Variants in CAPN2 observed in about 807,000 individuals in gnomAD.
The protein encoded by CAPN2 is calpain-2 catalytic subunit.
In CAPN2, 92 loss-of-function variants were observed where a neutral mutation model predicts 102.3. The ratio of observed to expected loss-of-function variants is 0.90; its 90% CI spans 0.76 to 1.07. The LOEUF (loss-of-function observed/expected upper bound fraction) is 1.07. CAPN2 is among the 50% of genes least tolerant of loss of function. CAPN2 has a pLI of 0.00. For synonymous variants in CAPN2, 340 were observed against 355.4 expected (o/e 0.96, Z 0.49); for missense variants, 800 against 909.4 (o/e 0.88, Z 1.55).
chr1:223,752,864 T>A lies in CAPN2; in HGVS notation c.1043T>A (p.Leu348His). Reference protein sequence around the residue: ...LEICNLTPDTLTSDTYKKWKL... With the variant: ...LEICNLTPDTHTSDTYKKWKL... ...ATCTGTAACCTGACCCCAGACACTC[T>A]CACCAGCGATACCTACAAGAAGTGG... The change falls in exon 9 of 21, where the codon CTC becomes CAC. Residue 348 changes from leucine to histidine, a missense_variant. Leu to His is a moderately conservative substitution (Grantham distance 99). Transcript: ENST00000295006. 1 of 1,614,098 alleles carries A rather than the reference T, an allele frequency of 6.2e-7. No individual in the cohort carries two copies. The highest frequency in any genetic ancestry group is 8.5e-7 in the Non-Finnish European group (1 of 1,179,968).
At chr1:223,724,842 G>C (rs1013624953) in intron 2 of CAPN2, among the ~76,000 whole-genome samples, 2 of 152,104 alleles carry the variant, frequency 1.3e-5, no homozygotes, top group Non-Finnish European at 2.9e-5. Flanking sequence ...GCATGGTGGT[G>C]TGCACCTGTA....
At chr1:223,708,423 T>TAA (rs35955532), upstream of CAPN2, among the ~76,000 whole-genome samples, 21 of 135,892 alleles carry the variant, frequency 1.5e-4, no homozygotes, top group East Asian at 4.4e-4. Context: ...AAACTCTGTT[T>TAA]AAAAAAAAAA....
At chr1:223,763,983 C>T (rs28370137) in intron 14 of CAPN2, among the ~76,000 whole-genome samples, 167 bp from the exon 15 acceptor site, 1 of 152,206 alleles carries the variant, frequency 6.6e-6, no homozygotes, top group African/African-American at 2.4e-5. Context: ...GGCAGTACTA[C>T]TCAAAGTGTG....
chr1:223,701,893 G>C (rs1659479767), intron 1 of CAPN2: 1 of 148,454 alleles, frequency 6.7e-6, no homozygotes, highest in Non-Finnish European at 1.5e-5. Context: ...TGTAATCCCA[G>C]CTACTCAGGA....
chr1:223,722,619 G>A (rs947394503), intron 2 of CAPN2, among the ~76,000 whole-genome samples: 8 of 151,904 alleles, frequency 5.3e-5, no homozygotes, highest in Admixed American at 2.6e-4. Context: ...ATTTAAAAAT[G>A]CATTTTTATA....
intron 4 of CAPN2, among the ~76,000 whole-genome samples, chr1:223,745,736 T>C (rs3738374): frequency 0.24 from 35,896 of 152,224 alleles, 7,230 homozygotes; most frequent in African/African-American, 0.55. Flanking sequence ...GGTGCCTGGC[T>C]GCACTGTACG....
intron 2 of CAPN2, among the ~76,000 whole-genome samples, chr1:223,724,647 A>G (rs1032903199): frequency 2.6e-5 from 4 of 152,214 alleles, no homozygotes; most frequent in Admixed American, 6.5e-5. Flanking sequence ...GCGGGATAGT[A>G]TTCACATCAG....
upstream of CAPN2, among the ~76,000 whole-genome samples, chr1:223,711,797 T>C (rs1206492225): frequency 6.6e-6 from 1 of 152,180 alleles, no homozygotes; most frequent in Admixed American, 6.5e-5. Context: ...AATTTCACCA[T>C]GTTGACCAGG....
At chr1:223,771,767 T>G (rs1261239546) in intron 18 of CAPN2, 42 bp from the exon 19 acceptor site, 1 of 1,218,374 alleles carries the variant, frequency 8.2e-7, no homozygotes. Context: ...AATGGAACAA[T>G]CTAATGCTTA....
chr1:223,751,084 C>A, intron 7 of CAPN2, 109 bp downstream of exon 7: 1 of 975,834 alleles, frequency 1.0e-6, no homozygotes, highest in Non-Finnish European at 1.6e-6. Flanking sequence ...GAAATATAGC[C>A]AGGAGAGCCC....
In CAPN2 at chr1:223,752,898, C is replaced by T. The variant is rs1018188275; in HGVS notation, c.1077C>T (p.Thr359=). ...TSDTYKKWKL[T]KMDGNWRRGS... is the part of the protein sequence containing the mutation. ...ATACCTACAAGAAGTGGAAACTCAC[C>T]AAAATGGATGGGAACTGGAGGCGGG... Residue 359 remains threonine (T), a synonymous_variant, in exon 9 of 21, where the codon ACC becomes ACT. Transcript: ENST00000295006. 6.2e-7 allele frequency: 1 copy of T among 1,614,044 alleles called. No homozygotes were observed. Among genetic ancestry groups the T allele is most frequent in the African/African-American group, 1.3e-5 (1 of 74,908 alleles).
chr1:223,755,719 C>T lies in CAPN2; in HGVS notation c.1305+70C>T, dbSNP rs1153959. On this transcript the variant is annotated intron_variant, in intron 10 of 20. Transcript: ENST00000295006. The surrounding 1 kb of genome is among the most constrained non-coding windows in gnomAD (Gnocchi z 4.1). ...TCTCAGCCCCTGCATGGAAAGCTGA[C>T]CCCAGAGGCAGAACTGGGGATGGGA... 2 of 1,408,928 alleles carry T rather than the reference C, an allele frequency of 1.4e-6. No individual in the cohort carries two copies. The highest frequency in any genetic ancestry group is 1.5e-5 in the African/African-American group (1 of 68,654). 87.3% of individuals were successfully genotyped at this position (1,408,928 alleles called of 1,614,324 possible).
At position 223,726,518 on chromosome 1, in the gene CAPN2, G is replaced by A. The variant is rs1660194944; in HGVS notation, c.307+8687G>A. On this transcript the variant is annotated intron_variant, in intron 2 of 20. Transcript: ENST00000295006. This position sits in a 1 kb window ranked among gnomAD's most constrained non-coding sequence, Gnocchi z 4.4. Reference sequence around the variant, plus strand: ...TCCAGGGCACGGCTGAGACAGGCAAGGGACTAGAGAGAGGAAGAGTGAATG... The same window carrying A: ...TCCAGGGCACGGCTGAGACAGGCAAAGGACTAGAGAGAGGAAGAGTGAATG... Among the ~76,000 whole-genome samples the A allele has an allele frequency of 6.6e-6, 1 of 152,206 alleles. No individual in the cohort carries two copies. The highest frequency in any genetic ancestry group is 1.5e-5 in the Non-Finnish European group (1 of 68,044).
At chr1:223,763,301 A>G (rs1661234268) in intron 14 of CAPN2, among the ~76,000 whole-genome samples, 1 of 151,896 alleles carries the variant, frequency 6.6e-6, no homozygotes. Context: ...AGACCCATCA[A>G]AGTACTAAGC....
At chr1:223,751,634 T>C (rs1036588075) in intron 7 of CAPN2, among the ~76,000 whole-genome samples, 4 of 136,074 alleles carry the variant, frequency 2.9e-5, no homozygotes, top group African/African-American at 1.4e-4. Context: ...CGGAGGCTCC[T>C]CATCAGATCT....
At chr1:223,720,734 T>G (rs1193922230) in intron 2 of CAPN2, among the ~76,000 whole-genome samples, 1 of 152,002 alleles carries the variant, frequency 6.6e-6, no homozygotes, top group East Asian at 1.9e-4. Flanking sequence ...ATCCCAAATC[T>G]AAAGTAAATA....
chr1:223,737,708 G>T (rs199835310), intron 2 of CAPN2, among the ~76,000 whole-genome samples: 1,578 of 21,860 alleles, frequency 0.072, 192 homozygotes, highest in East Asian at 0.43. Context: ...GAGACGGGGC[G>T]GGGGGTGGGG....
rs1197887868 is a variant in CAPN2 at position 223,726,694 on chromosome 1, G to A, written c.307+8863G>A. On this transcript the variant is annotated intron_variant, in intron 2 of 20. Coordinates refer to ENST00000295006, the MANE Select transcript of CAPN2 (RefSeq NM_001748.5). The surrounding 1 kb of genome is among the most constrained non-coding windows in gnomAD (Gnocchi z 4.4). ...CAGTTCTGATGTGTGTGCAGTTTAG[G>A]GAAGGAGGCTGAAGACTTCTTGTTA... Among the ~76,000 whole-genome samples, 1 of 152,178 alleles carries A rather than the reference G, an allele frequency of 6.6e-6. No homozygotes were observed. The highest frequency in any genetic ancestry group is 2.4e-5 in the African/African-American group (1 of 41,432).
Position 223,744,752 on chromosome 1 carries a change from T to C in CAPN2, c.426+534T>C, listed in dbSNP as rs1478674025. On this transcript the variant is annotated intron_variant, in intron 3 of 20. Coordinates refer to ENST00000295006, the MANE Select transcript of CAPN2 (RefSeq NM_001748.5). ...AGTGCAGGCCTGTAATCCCAGCTAC[T>C]TGGGAGGCTGAGGCAGGAGAATCAC... 2.0e-5 allele frequency among the ~76,000 whole-genome samples: 3 copies of C among 151,908 alleles called. No individual in the cohort carries two copies. The East Asian group carries it at 5.8e-4, about 29-fold the overall frequency.
Sources: gnomAD v4.1 joint callset for allele counts (sites outside exome capture counted in the v4.1 genomes callset) on GRCh38, gnomAD v4.1.1 for gene constraint, Gnocchi (gnomAD v3.1) non-coding constraint, MANE v1.5 for transcripts, NCBI Gene and HGNC (gene_info 2026-07-23, HGNC 2026-07-21) for gene names.